Variants in SESN1 observed in about 807,000 individuals in gnomAD.
The protein encoded by SESN1 is sestrin-1.
Under a neutral mutation model 59.3 loss-of-function variants are expected in SESN1, and 30 were observed. The ratio of observed to expected loss-of-function variants is 0.51; its 90% CI spans 0.38 to 0.69. The LOEUF is 0.69. SESN1 is among the 30% of genes least tolerant of loss of function. The pLI, the probability that SESN1 is intolerant of heterozygous loss-of-function variation, is 0.00. For missense variants in SESN1, 566 were observed against 673.0 expected (o/e 0.84, Z 1.76); for synonymous variants, 197 against 219.9 (o/e 0.90, Z 0.92).
In SESN1 at chr6:108,985,902, T is replaced by C. The variant is rs1779171910; in HGVS notation, c.*1642A>G. ...AAACATATTGAAGATAATAATACTCTATTCCTAGCTAAGGTTATAGTCTTG... is the reference window on the plus strand; with the variant it reads ...AAACATATTGAAGATAATAATACTCCATTCCTAGCTAAGGTTATAGTCTTG... On this transcript the variant is annotated 3_prime_UTR_variant, in exon 10 of 10. Transcript: ENST00000436639. 6.6e-6 allele frequency among the ~76,000 whole-genome samples: 1 copy of C among 152,214 alleles called. No individual in the cohort carries two copies. Among genetic ancestry groups the C allele is most frequent in the Admixed American group, 6.5e-5 (1 of 15,274 alleles).
chr6:109,058,014 G>A (rs1780664356), intron 1 of SESN1, among the ~76,000 whole-genome samples: 1 of 151,806 alleles, frequency 6.6e-6, no homozygotes, highest in Non-Finnish European at 1.5e-5. Flanking sequence ...TATACAACAG[G>A]GTCCCCTAAT....
rs1347817421 is a variant in SESN1 at position 108,987,637 on chromosome 6, A to G, written c.1570-7T>C. On this transcript the variant is annotated splice_region_variant and splice_polypyrimidine_tract_variant and intron_variant, in intron 9 of 9. Transcript: ENST00000436639. Reference sequence around the variant, plus strand: ...GAAGCAGATTAACATGAACCTGAATATAAAATACAACATCATATAAGGAAG... The same window carrying G: ...GAAGCAGATTAACATGAACCTGAATGTAAAATACAACATCATATAAGGAAG... 1.4e-6 allele frequency: 2 copies of G among 1,473,140 alleles called. No homozygotes were observed. Among genetic ancestry groups the G allele is most frequent in the South Asian group, 1.1e-5 (1 of 88,036 alleles). 91.3% of individuals were successfully genotyped at this position (1,473,140 alleles called of 1,614,324 possible).
chr6:108,989,248 C>T (rs754774408), intron 8 of SESN1, among the ~76,000 whole-genome samples: 2 of 152,156 alleles, frequency 1.3e-5, no homozygotes, highest in African/African-American at 4.8e-5. Context: ...AGTGATCTGC[C>T]CGCCTTGGCT....
chr6:109,038,365 G>A (rs1360114190), intron 1 of SESN1, among the ~76,000 whole-genome samples: 1 of 152,212 alleles, frequency 6.6e-6, no homozygotes, highest in Non-Finnish European at 1.5e-5. Flanking sequence ...GGTGGTACAT[G>A]CCTATAGTCC....
At chr6:109,059,345 G>C (rs1269672077) in intron 1 of SESN1, among the ~76,000 whole-genome samples, 1 of 152,090 alleles carries the variant, frequency 6.6e-6, no homozygotes, top group Non-Finnish European at 1.5e-5. Context: ...ACGATCAGTA[G>C]GTGTGCTTTT....
chr6:109,067,854 G>C (rs1471289940), intron 1 of SESN1, among the ~76,000 whole-genome samples: 1 of 152,178 alleles, frequency 6.6e-6, no homozygotes, highest in African/African-American at 2.4e-5. Flanking sequence ...ACTCTACCCT[G>C]TTTTGTGCTT....
In SESN1 at chr6:109,094,199, A is replaced by T; in HGVS notation, c.-126T>A. Reference sequence around the variant, plus strand: ...AAATCAAATCGTCATGAAAACACACATCTGGGTGACATTTGGAACCACTGG... The same window carrying T: ...AAATCAAATCGTCATGAAAACACACTTCTGGGTGACATTTGGAACCACTGG... On this transcript the variant is annotated 5_prime_UTR_variant, in exon 1 of 10. It removes an upstream start codon present in the reference 5' UTR. Coordinates refer to ENST00000436639, the MANE Select transcript of SESN1 (RefSeq NM_014454.3). 1 of 1,070,608 alleles carries T rather than the reference A, an allele frequency of 9.3e-7. No homozygotes were observed. The highest frequency in any genetic ancestry group is 1.6e-5 in the South Asian group (1 of 62,828). The allele number at this position is 1,070,608 out of a possible 1,614,324, so 66.3% of individuals were successfully genotyped here.
chr6:109,046,923 C>T, intron 1 of SESN1, among the ~76,000 whole-genome samples: 1 of 122,986 alleles, frequency 8.1e-6, no homozygotes, highest in East Asian at 2.3e-4. Context: ...GCCTCTCCGC[C>T]CGGCAGCCAC....
At chr6:109,009,133 C>CT in intron 1 of SESN1, 1 of 688,550 alleles carries the variant, frequency 1.5e-6, no homozygotes, top group African/African-American at 1.9e-5. Flanking sequence ...GGACGACTCA[C>CT]GGTGCGCAGG....
Position 108,987,566 on chromosome 6 carries a change from G to A in SESN1, c.1634C>T (p.Ala545Val). 1 of 1,598,570 alleles carries A rather than the reference G, an allele frequency of 6.3e-7. No individual in the cohort carries two copies. Among genetic ancestry groups the A allele is most frequent in the Non-Finnish European group, 8.6e-7 (1 of 1,166,666 alleles). ...MQAELLYALR[A>V]ITRYMT is the part of the protein sequence containing the mutation. ...GCATCAGGTCATATAGCGGGTAATG[G>A]CTCTCAGAGCATAAAGGAGTTCTGC... Residue 545 changes from alanine (A) to valine (V), a missense_variant, in exon 10 of 10, where the codon GCC (alanine) becomes GTC (valine). Transcript: ENST00000436639.
intron 1 of SESN1, among the ~76,000 whole-genome samples, chr6:109,075,606 T>A (rs562751567): frequency 8.7e-4 from 132 of 152,150 alleles, no homozygotes; most frequent in Non-Finnish European, 1.8e-3. Context: ...GAACTGAATC[T>A]TACATCATCT....
At chr6:109,079,444 A>T (rs572860651) in intron 1 of SESN1, among the ~76,000 whole-genome samples, 5 of 152,292 alleles carry the variant, frequency 3.3e-5, no homozygotes, top group African/African-American at 1.2e-4. Flanking sequence ...TAGCGCACAT[A>T]TCAAAACTCT....
chr6:108,985,849 C>CACTT lies in SESN1; in HGVS notation c.*1691_*1694dup, dbSNP rs1779170175. Among the ~76,000 whole-genome samples, 1 of 152,134 alleles carries CACTT rather than the reference C, an allele frequency of 6.6e-6. No individual in the cohort carries two copies. Among genetic ancestry groups the CACTT allele is most frequent in the African/African-American group, 2.4e-5 (1 of 41,424 alleles). ...CATGATGCATATTCAATGAGTAATG[C>CACTT]ACTTATAAGTAAGTTTCTTTAAATA... On this transcript the variant is annotated 3_prime_UTR_variant, in exon 10 of 10. Coordinates refer to ENST00000436639, the MANE Select transcript of SESN1 (RefSeq NM_014454.3).
intron 1 of SESN1, among the ~76,000 whole-genome samples, chr6:109,060,404 G>A (rs1780711925): frequency 6.6e-6 from 1 of 152,176 alleles, no homozygotes; most frequent in Non-Finnish European, 1.5e-5. Flanking sequence ...AGTGGCAAGA[G>A]AGATCTGACA....
intron 1 of SESN1, among the ~76,000 whole-genome samples, chr6:109,044,442 A>G (rs751741377): frequency 6.6e-6 from 1 of 152,004 alleles, no homozygotes; most frequent in Non-Finnish European, 1.5e-5. Context: ...CAAAGAAAAG[A>G]AAGAAAACAA....
chr6:109,001,221 A>G (rs1779613907), intron 3 of SESN1, 67 bp downstream of exon 3: 1 of 1,331,008 alleles, frequency 7.5e-7, no homozygotes, highest in African/African-American at 1.5e-5. Context: ...TGTTTAAAGC[A>G]TTAACTGTCT....
chr6:109,087,152 ATAAAT>A (rs933249871), intron 1 of SESN1, among the ~76,000 whole-genome samples: 21 of 152,310 alleles, frequency 1.4e-4, no homozygotes, highest in African/African-American at 4.8e-4. Flanking sequence ...ATAAACAAAA[ATAAAT>A]AAAATAAAAT....
intron 1 of SESN1, among the ~76,000 whole-genome samples, chr6:109,046,547 G>A (rs879418912): frequency 6.3e-5 from 9 of 143,784 alleles, no homozygotes; most frequent in Admixed American, 1.4e-4. Context: ...GCCACCCATC[G>A]TCTGGGATGT....
chr6:109,020,274 CT>C (rs2114368631), intron 1 of SESN1, among the ~76,000 whole-genome samples: 1 of 152,168 alleles, frequency 6.6e-6, no homozygotes, highest in South Asian at 2.1e-4. Context: ...CTGATAAAAT[CT>C]TCTCACCAAC....
Sources: gnomAD v4.1 joint callset for allele counts (sites outside exome capture counted in the v4.1 genomes callset) on GRCh38, gnomAD v4.1.1 for gene constraint, MANE v1.5 for transcripts, NCBI Gene and HGNC (gene_info 2026-07-23, HGNC 2026-07-21) for gene names.